Variants in SPINK5 observed in about 807,000 individuals in gnomAD.
SPINK5 encodes the protein serine protease inhibitor Kazal-type 5.
SPINK5 carries 125 observed loss-of-function variants against 151.8 expected under a neutral mutation model. That is an observed-to-expected ratio of 0.82 (90% confidence interval 0.71 to 0.96). SPINK5 has a LOEUF of 0.96. Among genes scored for constraint, SPINK5 ranks in the 40% least tolerant of loss-of-function variants. The pLI, the probability that SPINK5 is intolerant of heterozygous loss-of-function variation, is 0.00. For synonymous variants in SPINK5, 374 were observed against 395.3 expected (o/e 0.95, Z 0.64); for missense variants, 1,194 against 1,291.9 (o/e 0.92, Z 1.16).
rs1561703850 is a variant in SPINK5, at chr5:148,123,512, A to AT, written c.2539-321_2539-320insT. 8.5e-3 allele frequency among the ~76,000 whole-genome samples: 1,027 copies of AT among 120,870 alleles called. 33 individuals are homozygous for AT. The highest frequency in any genetic ancestry group is 0.029 in the African/African-American group (812 of 28,312). 79.3% of individuals were successfully genotyped at this position (120,870 alleles called of 152,430 possible). ...TGTCCAGCCTGGAGTGCAGTGGTGC[A>AT]ATATATGTGTATATATATATATATA... On this transcript the variant is annotated intron_variant, in intron 26 of 32. Coordinates refer to ENST00000256084, the MANE Select transcript of SPINK5 (RefSeq NM_006846.4).
chr5:148,114,437 G>T lies in SPINK5; in HGVS notation c.1963G>T (p.Gly655Cys), dbSNP rs771753529. 6.2e-7 allele frequency: 1 copy of T among 1,613,684 alleles called. No individual in the cohort carries two copies. Among genetic ancestry groups the T allele is most frequent in the Non-Finnish European group, 8.5e-7 (1 of 1,179,754 alleles). Residue 655 changes from glycine to cysteine, a missense_variant, in exon 21 of 33, where the codon GGC becomes TGC. Physicochemically the swap from Gly to Cys is radical, Grantham distance 159. Coordinates refer to ENST00000256084, the MANE Select transcript of SPINK5 (RefSeq NM_006846.4). ...FCTRENDPVRGPDGKTHGNKC... is the reference protein window; with the variant it reads ...FCTRENDPVRCPDGKTHGNKC... ...CACAAGAGAAAATGATCCTGTGCGT[G>T]GCCCAGATGGCAAGACCCATGGCAA...
intron 3 of SPINK5, among the ~76,000 whole-genome samples, chr5:148,071,218 G>A (rs1223323082): frequency 1.3e-5 from 2 of 152,068 alleles, no homozygotes; most frequent in East Asian, 3.9e-4. Flanking sequence ...AGCCAATACT[G>A]AGCTTACCCA....
rs769549131 is a variant in SPINK5, at chr5:148,089,622, G to C, written c.602+1G>C. The C allele has an allele frequency of 6.2e-7, 1 of 1,611,734 alleles. No individual in the cohort carries two copies. On this transcript the variant is annotated splice_donor_variant, in intron 7 of 32. Coordinates refer to ENST00000256084, the MANE Select transcript of SPINK5 (RefSeq NM_006846.4). LOFTEE classifies it high-confidence loss of function. ...AGTGTGCAATGTGTGCTGAGCTGTT[G>C]TAAGTAGCATCATCCCCAGGTGGAC...
chr5:148,065,505 C>T, intron 2 of SPINK5, 133 bp downstream of exon 2: 2 of 927,492 alleles, frequency 2.2e-6, no homozygotes, highest in Non-Finnish European at 1.7e-6. Flanking sequence ...GTTAAAAACA[C>T]AGAAACAGAT....
chr5:148,106,374 T>C (rs1159856044), intron 16 of SPINK5, among the ~76,000 whole-genome samples: 2 of 152,166 alleles, frequency 1.3e-5, no homozygotes, highest in African/African-American at 4.8e-5. Context: ...CAGGCTGTAG[T>C]GTAGTGGTGC....
intron 21 of SPINK5, among the ~76,000 whole-genome samples, chr5:148,115,502 A>G (rs1390556294): frequency 6.6e-6 from 1 of 152,188 alleles, no homozygotes; most frequent in Non-Finnish European, 1.5e-5. Context: ...GAGGAGCTGC[A>G]ATAAATAACC....
intron 23 of SPINK5, 103 bp downstream of exon 23, chr5:148,118,667 T>A (rs1754167657): frequency 6.7e-7 from 1 of 1,492,556 alleles, no homozygotes; most frequent in African/African-American, 1.4e-5. Flanking sequence ...AAATTATTCT[T>A]TTTGCTAATT....
At chr5:148,095,718 A>C in intron 9 of SPINK5, 100 bp from the exon 10 acceptor site, 1 of 1,038,416 alleles carries the variant, frequency 9.6e-7, no homozygotes, top group South Asian at 1.3e-5. Context: ...GTTTGTACTA[A>C]AACTCAGGAC....
At chr5:148,066,327 C>T (rs538076024) in intron 2 of SPINK5, among the ~76,000 whole-genome samples, 33 of 152,200 alleles carry the variant, frequency 2.2e-4, no homozygotes, top group African/African-American at 7.9e-4. Flanking sequence ...TATTTATATA[C>T]ACACACACTG....
intron 27 of SPINK5, among the ~76,000 whole-genome samples, chr5:148,124,333 A>G (rs1754372598): frequency 6.6e-6 from 1 of 152,216 alleles, no homozygotes; most frequent in African/African-American, 2.4e-5. Context: ...CTACGTAAAT[A>G]ACATTCAAGG....
rs3815737 is a variant in SPINK5 at position 148,114,217 on chromosome 5, T to G, written c.1888-145T>G. The G allele has an allele frequency of 0.7, 647,889 of 931,534 alleles. 230,690 individuals are homozygous for G. Among genetic ancestry groups the G allele is most frequent in the African/African-American group, 0.93 (54,693 of 58,608 alleles). The allele number at this position is 931,534 out of a possible 1,614,324, so 57.7% of individuals were successfully genotyped here. ...CTTCTTAAGTCCTTTGTGTTTAATA[T>G]AAATTGAACACTATAACTGCCAGAA... On this transcript the variant is annotated intron_variant, in intron 20 of 32. Coordinates refer to ENST00000256084, the MANE Select transcript of SPINK5 (RefSeq NM_006846.4).
At chr5:148,094,543 T>A in intron 9 of SPINK5, 62 bp downstream of exon 9, 1 of 1,609,836 alleles carries the variant, frequency 6.2e-7, no homozygotes, top group Non-Finnish European at 8.5e-7. Flanking sequence ...TTGATTGGAT[T>A]GATGAGTAAA....
At position 148,114,597 on chromosome 5, in the gene SPINK5, C is replaced by T. The variant is rs538188629; in HGVS notation, c.2015+108C>T. The T allele has an allele frequency of 3.7e-3, 5,469 of 1,493,396 alleles. 23 individuals carry two copies. The highest frequency in any genetic ancestry group is 4.1e-3 in the Non-Finnish European group (4,388 of 1,080,476). 92.5% of individuals were successfully genotyped at this position (1,493,396 alleles called of 1,614,324 possible). ...GTCCTTTCCTTACATGTAATAGAAA[C>T]AGAAGGTTATCTGTAAAGCATTTGA... On this transcript the variant is annotated intron_variant, in intron 21 of 32. Coordinates refer to ENST00000256084, the MANE Select transcript of SPINK5 (RefSeq NM_006846.4).
At chr5:148,104,079 T>G (rs1053714176) in intron 15 of SPINK5, among the ~76,000 whole-genome samples, 1 of 152,222 alleles carries the variant, frequency 6.6e-6, no homozygotes, top group East Asian at 1.9e-4. Context: ...CAATCTCTTA[T>G]AACAATTATA....
chr5:148,065,536 GCC>G lies in SPINK5; in HGVS notation c.81+165_81+166del, dbSNP rs1491418147. On this transcript the variant is annotated intron_variant, in intron 2 of 32. Coordinates refer to ENST00000256084, the MANE Select transcript of SPINK5 (RefSeq NM_006846.4). ...CAGATTTTTATGAATCAGGACATGA[GCC>G]TCTCTCTCACACACACACACACACA... 2.9e-5 allele frequency: 19 copies of G among 649,594 alleles called. No individual in the cohort carries two copies. In the African/African-American group the frequency reaches 6.1e-4, roughly 21 times the overall value. The allele number at this position is 649,594 out of a possible 1,614,324, so 40.2% of individuals were successfully genotyped here. A position where few individuals can be genotyped will look rare whatever the true frequency, so the allele number is the denominator to read the frequency against.
At chr5:148,070,255 A>T in intron 2 of SPINK5, 68 bp from the exon 3 acceptor site, 2 of 1,558,050 alleles carry the variant, frequency 1.3e-6, no homozygotes, top group Non-Finnish European at 1.8e-6. Flanking sequence ...ATATCTACAT[A>T]TATATATCAA....
At chr5:148,105,596 A>G (rs147002596) in intron 16 of SPINK5, among the ~76,000 whole-genome samples, 2 of 152,016 alleles carry the variant, frequency 1.3e-5, no homozygotes, top group East Asian at 1.9e-4. Context: ...ATAGCTACAT[A>G]CAAGATTTAT....
In SPINK5 at chr5:148,137,009, G is replaced by A. The variant is rs2113250549; in HGVS notation, c.*18G>A. ...ACGAATGACAGGAAGATTGTTGAAA[G>A]CCATGAGGGAAAAAATAAACCCCAG... On this transcript the variant is annotated 3_prime_UTR_variant, in exon 33 of 33. Coordinates refer to ENST00000256084, the MANE Select transcript of SPINK5 (RefSeq NM_006846.4). 1.2e-6 allele frequency: 2 copies of A among 1,613,568 alleles called. No individual in the cohort carries two copies. The highest frequency in any genetic ancestry group is 2.2e-5 in the East Asian group (1 of 44,842).
At chr5:148,116,154 T>C (rs1754082906) in intron 21 of SPINK5, among the ~76,000 whole-genome samples, 1 of 152,158 alleles carries the variant, frequency 6.6e-6, no homozygotes, top group Admixed American at 6.5e-5. Context: ...GTGATATATA[T>C]GTGGTGTTCT....
Sources: allele counts gnomAD v4.1 joint callset (sites outside exome capture counted in the v4.1 genomes callset), GRCh38; gene constraint gnomAD v4.1.1; transcripts MANE v1.5; gene names NCBI Gene and HGNC (gene_info 2026-07-23, HGNC 2026-07-21).